The following NPAS3 variants were observed in gnomAD, a reference collection of about 807,000 sequenced individuals.
NPAS3 encodes the protein neuronal PAS domain protein 3, also known as neuronal PAS domain-containing protein 3.
A neutral mutation model predicts 73.1 loss-of-function variants in NPAS3; 14 were observed. The observed-to-expected ratio is 0.19, with a 90% CI of 0.13 to 0.30. The LOEUF is 0.30. NPAS3 is among the 10% of genes least tolerant of loss of function. NPAS3 has a pLI of 1.00. For synonymous variants in NPAS3, 620 were observed against 541.5 expected, an observed-to-expected ratio of 1.14 and a Z score of -2.01; for missense variants, 1,096 against 1,250.0, an observed-to-expected ratio of 0.88 and a Z score of 1.86.
intron 1 of NPAS3, among the ~76,000 whole-genome samples, chr14:32,961,810 C>T (rs2036933180): frequency 6.6e-6 from 1 of 152,126 alleles, no homozygotes; most frequent in Admixed American, 6.5e-5. Flanking sequence ...AACTTTGCTA[C>T]TCAGTCACCA....
rs151297608 is a variant in NPAS3, at chr14:33,701,656, A to G, written c.733+25271A>G. ...CATATTTAGACACAGTTCCACTCCC[A>G]GCCACCTTTTGTCTTACAATTTCTA... On this transcript the variant is annotated intron_variant, in intron 6 of 11. Coordinates refer to ENST00000356141, the Ensembl canonical transcript of NPAS3. Among the ~76,000 whole-genome samples, 175 of 152,358 alleles carry G rather than the reference A, an allele frequency of 1.1e-3. 1 individual carries two copies. Among genetic ancestry groups the G allele is most frequent in the African/African-American group, 4.0e-3 (167 of 41,590 alleles).
chr14:33,400,311 T>C (rs1421923951), intron 4 of NPAS3, among the ~76,000 whole-genome samples: 1 of 152,100 alleles, frequency 6.6e-6, no homozygotes, highest in African/African-American at 2.4e-5. Context: ...AAAGAAAATA[T>C]CTTAAGGGAC....
intron 2 of NPAS3, among the ~76,000 whole-genome samples, chr14:33,192,057 C>G (rs1393361343): frequency 6.6e-6 from 1 of 152,104 alleles, no homozygotes; most frequent in Non-Finnish European, 1.5e-5. Context: ...GCTCACCTGC[C>G]AGGTGTTGTC....
chr14:33,521,595 T>C (rs2053559522), intron 4 of NPAS3, among the ~76,000 whole-genome samples: 1 of 151,886 alleles, frequency 6.6e-6, no homozygotes. Flanking sequence ...TTTTATTTTA[T>C]AAGTTCCAAA....
chr14:33,344,075 G>A (rs986470617), intron 3 of NPAS3, among the ~76,000 whole-genome samples: 78 of 152,112 alleles, frequency 5.1e-4, no homozygotes, highest in African/African-American at 1.8e-3. Context: ...ATACAAATAT[G>A]GGGGGATGAA....
chr14:33,762,467 C>T lies in NPAS3; in HGVS notation c.853-11870C>T, dbSNP rs186119896. Among the ~76,000 whole-genome samples the T allele has an allele frequency of 3.9e-5, 6 of 152,166 alleles. No individual in the cohort carries two copies. The East Asian group carries it at 9.6e-4, about 24-fold the overall frequency. On this transcript the variant is annotated intron_variant, in intron 7 of 11. Transcript: ENST00000356141. The stretch of plus-strand genomic sequence containing the variant: ...GAGGGAGGACTTTTATTTCAGGGAA[C>T]TTTCAGGTTATAGTGTGGTGGTTTC...
chr14:33,220,368 G>A (rs1387787900), intron 3 of NPAS3, among the ~76,000 whole-genome samples: 3 of 152,112 alleles, frequency 2.0e-5, no homozygotes, highest in African/African-American at 7.2e-5. Context: ...GGGAGTGAGT[G>A]CCAGGTTTTA....
At chr14:33,705,606 A>G (rs1317891615) in intron 6 of NPAS3, among the ~76,000 whole-genome samples, 1 of 152,220 alleles carries the variant, frequency 6.6e-6, no homozygotes, top group Admixed American at 6.5e-5. Context: ...TGGAGAAGCT[A>G]TGTAGAAAAA....
At chr14:32,974,130 A>G (rs1197342850) in intron 1 of NPAS3, among the ~76,000 whole-genome samples, 1 of 152,216 alleles carries the variant, frequency 6.6e-6, no homozygotes, top group Non-Finnish European at 1.5e-5. Context: ...TCCAGAGGTC[A>G]TTTACATGAG....
chr14:32,953,898 A>G (rs1322333720), intron 1 of NPAS3, among the ~76,000 whole-genome samples: 1 of 152,194 alleles, frequency 6.6e-6, no homozygotes, highest in Admixed American at 6.5e-5. Context: ...GTGTCTTCCA[A>G]GACTGTTCTC....
intron 7 of NPAS3, among the ~76,000 whole-genome samples, chr14:33,753,345 T>G (rs922420676): frequency 1.4e-5 from 2 of 140,636 alleles, no homozygotes; most frequent in African/African-American, 3.0e-5. Context: ...TTAAGATGAT[T>G]CTGTTAAATT....
intron 4 of NPAS3, among the ~76,000 whole-genome samples, chr14:33,540,433 A>T (rs544172057): frequency 1.3e-5 from 2 of 152,302 alleles, no homozygotes; most frequent in East Asian, 3.9e-4. Context: ...GACTGTTATC[A>T]CTTAATTAAA....
intron 4 of NPAS3, among the ~76,000 whole-genome samples, chr14:33,549,860 A>G (rs2055028880): frequency 6.6e-6 from 1 of 152,220 alleles, no homozygotes; most frequent in Admixed American, 6.5e-5. Context: ...TGCAAATTCA[A>G]GTAATGAATG....
intron 2 of NPAS3, among the ~76,000 whole-genome samples, chr14:33,105,464 A>G (rs974002): frequency 0.17 from 25,833 of 152,086 alleles, 2,513 homozygotes; most frequent in East Asian, 0.44. Flanking sequence ...ACTTCAAAGC[A>G]TCATTTTCAG....
chr14:32,956,412 G>T (rs1324459512), intron 1 of NPAS3, among the ~76,000 whole-genome samples: 1 of 152,126 alleles, frequency 6.6e-6, no homozygotes. Context: ...AAGGTTACAT[G>T]AAATAACCAC....
chr14:33,123,384 A>C (rs1157764651), intron 2 of NPAS3, among the ~76,000 whole-genome samples: 1 of 152,080 alleles, frequency 6.6e-6, no homozygotes, highest in Non-Finnish European at 1.5e-5. Context: ...ATTGTTCATT[A>C]CTTGACTAGG....
chr14:33,704,019 C>T (rs2060591675), intron 6 of NPAS3, among the ~76,000 whole-genome samples: 2 of 152,166 alleles, frequency 1.3e-5, no homozygotes, highest in African/African-American at 4.8e-5. Flanking sequence ...CTTTCTAAGC[C>T]TCAATATCTT....
chr14:33,211,602 G>A (rs777018771), intron 2 of NPAS3, among the ~76,000 whole-genome samples: 6 of 152,134 alleles, frequency 3.9e-5, no homozygotes, highest in Non-Finnish European at 8.8e-5. Context: ...TTAGGTTGGT[G>A]TGATGGACTA....
chr14:33,712,776 C>A (rs979855302), intron 6 of NPAS3, among the ~76,000 whole-genome samples: 2 of 152,114 alleles, frequency 1.3e-5, no homozygotes, highest in African/African-American at 2.4e-5. Flanking sequence ...ACCTGAGAAA[C>A]CCAGTTCATT....
Sources: allele counts gnomAD v4.1 joint callset (sites outside exome capture counted in the v4.1 genomes callset), GRCh38; gene constraint gnomAD v4.1.1; transcripts MANE v1.5; gene names NCBI Gene and HGNC (gene_info 2026-07-23, HGNC 2026-07-21).